The following CISD1 variants were observed in gnomAD, a reference collection of about 807,000 sequenced individuals.
The protein encoded by CISD1 is CDGSH iron-sulfur domain-containing protein 1.
In CISD1, 8 loss-of-function variants were observed where a neutral mutation model predicts 12.0. The observed-to-expected ratio is 0.67, with a 90% CI of 0.39 to 1.20. CISD1 has a LOEUF of 1.20. Ranked by LOEUF, CISD1 falls within the 50% of genes most tolerant of loss-of-function variation. The pLI, the probability that CISD1 is intolerant of heterozygous loss-of-function variation, is 0.01. For missense variants in CISD1, 107 were observed against 132.7 expected (o/e 0.81, Z 0.95); for synonymous variants, 38 against 42.2 (o/e 0.90, Z 0.39).
intron 2 of CISD1, among the ~76,000 whole-genome samples, chr10:58,287,131 G>A (rs1839437350): frequency 6.6e-6 from 1 of 152,216 alleles, no homozygotes; most frequent in South Asian, 2.1e-4. Flanking sequence ...ATGTTGGCCA[G>A]GCTGGTCTTG....
intron 1 of CISD1, among the ~76,000 whole-genome samples, chr10:58,270,362 T>C (rs183368604): frequency 3.3e-5 from 5 of 152,354 alleles, no homozygotes; most frequent in African/African-American, 1.2e-4. Flanking sequence ...GCAAAAATTA[T>C]ATTAAAGGAT....
intron 2 of CISD1, among the ~76,000 whole-genome samples, chr10:58,281,192 G>A (rs911407451): frequency 7.9e-5 from 12 of 152,204 alleles, no homozygotes; most frequent in African/African-American, 2.7e-4. Context: ...CAAACTAGTG[G>A]TGTAAATGTT....
intron 2 of CISD1, 152 bp from the exon 3 acceptor site, chr10:58,287,409 C>A: frequency 2.1e-6 from 1 of 484,798 alleles, no homozygotes; most frequent in Non-Finnish European, 3.7e-6. Flanking sequence ...TACTAAGTAG[C>A]ATATGTAGTT....
At chr10:58,286,009 T>A (rs1839424458) in intron 2 of CISD1, among the ~76,000 whole-genome samples, 1 of 151,818 alleles carries the variant, frequency 6.6e-6, no homozygotes, top group Non-Finnish European at 1.5e-5. Flanking sequence ...ATCGAGACCA[T>A]CCTGGCTAAC....
chr10:58,283,988 A>G (rs749020901), intron 2 of CISD1, among the ~76,000 whole-genome samples: 5 of 152,234 alleles, frequency 3.3e-5, no homozygotes, highest in Non-Finnish European at 7.3e-5. Context: ...CAATTTAACA[A>G]ATTTCAAAAT....
intron 1 of CISD1, chr10:58,273,393 C>T (rs1200666316): frequency 1.3e-5 from 2 of 152,094 alleles, no homozygotes; most frequent in South Asian, 2.1e-4. Flanking sequence ...AGCTCCCCTC[C>T]CCCTCTCCTC....
chr10:58,269,957 A>G (rs1278601795), intron 1 of CISD1, among the ~76,000 whole-genome samples: 9 of 152,218 alleles, frequency 5.9e-5, no homozygotes, highest in Admixed American at 5.9e-4. Flanking sequence ...TATTTCGCAG[A>G]AAGTCCCGTT....
Position 58,275,866 on chromosome 10 carries a change from T to G in CISD1, c.32-1251T>G, listed in dbSNP as rs376216290. Among the ~76,000 whole-genome samples, 35 of 152,326 alleles carry G rather than the reference T, an allele frequency of 2.3e-4. No individual in the cohort carries two copies. The East Asian group carries it at 4.0e-3, about 18-fold the overall frequency. On this transcript the variant is annotated intron_variant, in intron 1 of 2. Coordinates refer to ENST00000333926, the MANE Select transcript of CISD1 (RefSeq NM_018464.5). ...ATATTACAGTTTTAGAAGATTAAGC[T>G]CCAGTTTTATGTAAGGTACTATTAG...
chr10:58,274,753 C>A (rs776089685), intron 1 of CISD1, among the ~76,000 whole-genome samples: 1 of 151,822 alleles, frequency 6.6e-6, no homozygotes, highest in Non-Finnish European at 1.5e-5. Flanking sequence ...GGTGTTACCC[C>A]TTTTCCATGT....
chr10:58,278,393 G>T (rs1374342977), intron 2 of CISD1, among the ~76,000 whole-genome samples: 1 of 152,036 alleles, frequency 6.6e-6, no homozygotes, highest in Non-Finnish European at 1.5e-5. Context: ...CAGGCATGGT[G>T]GCATGCACCT....
chr10:58,276,083 G>A (rs1309712111), intron 1 of CISD1: 1 of 152,202 alleles, frequency 6.6e-6, no homozygotes, highest in Non-Finnish European at 1.5e-5. Context: ...AGTCCAGTGT[G>A]TTTATCCTGA....
intron 2 of CISD1, 63 bp from the exon 3 acceptor site, chr10:58,287,498 C>T: frequency 8.4e-7 from 1 of 1,194,416 alleles, no homozygotes; most frequent in Middle Eastern, 1.9e-4. Flanking sequence ...TCACCTTCCA[C>T]TCTGCCGAGC....
intron 1 of CISD1, among the ~76,000 whole-genome samples, chr10:58,274,440 CTTTTTT>C (rs34405014): frequency 5.1e-5 from 4 of 79,136 alleles, no homozygotes; most frequent in Non-Finnish European, 6.8e-5. Flanking sequence ...AAAATAACAA[CTTTTTT>C]TTTTTTTTTT....
chr10:58,287,419 TTACATA>T, intron 2 of CISD1, 136 bp from the exon 3 acceptor site: 1 of 503,168 alleles, frequency 2.0e-6, no homozygotes, highest in South Asian at 3.9e-5. Context: ...CATATGTAGT[TTACATA>T]TGCTGTTTAA....
intron 1 of CISD1, among the ~76,000 whole-genome samples, chr10:58,271,826 G>C (rs980014155): frequency 1.3e-5 from 2 of 152,208 alleles, no homozygotes; most frequent in African/African-American, 4.8e-5. Flanking sequence ...TGAATGATTG[G>C]AACTGAAATA....
At chr10:58,285,194 C>T (rs1839415293) in intron 2 of CISD1, among the ~76,000 whole-genome samples, 1 of 152,182 alleles carries the variant, frequency 6.6e-6, no homozygotes, top group Admixed American at 6.5e-5. Flanking sequence ...ACACTGCCCT[C>T]TACGACAGGA....
rs147742322 is a variant in CISD1 at position 58,278,368 on chromosome 10, GA to G, written c.237+1056del. On this transcript the variant is annotated intron_variant, in intron 2 of 2. Coordinates refer to ENST00000333926, the MANE Select transcript of CISD1 (RefSeq NM_018464.5). ...GGGCAACATAGTGAGACCATCTGTT[GA>G]AAAAAAAAATAGCCAGGCATGGTGG... 1.1e-3 allele frequency among the ~76,000 whole-genome samples: 170 copies of G among 148,566 alleles called. 1 individual carries two copies. Among genetic ancestry groups the G allele is most frequent in the African/African-American group, 4.0e-3 (161 of 40,594 alleles).
At chr10:58,286,098 A>G (rs1008936059) in intron 2 of CISD1, among the ~76,000 whole-genome samples, 7 of 151,648 alleles carry the variant, frequency 4.6e-5, no homozygotes, top group Admixed American at 2.0e-4. Context: ...CCAGCTACTC[A>G]GGAGTCTGAG....
At chr10:58,272,726 G>A (rs1012885544) in intron 1 of CISD1, among the ~76,000 whole-genome samples, 8 of 152,148 alleles carry the variant, frequency 5.3e-5, no homozygotes, top group Non-Finnish European at 4.4e-5. Context: ...AGACCAGCTT[G>A]GACAACATGG....
Sources: gnomAD v4.1 joint callset for allele counts (sites outside exome capture counted in the v4.1 genomes callset) on GRCh38, gnomAD v4.1.1 for gene constraint, MANE v1.5 for transcripts, NCBI Gene and HGNC (gene_info 2026-07-23, HGNC 2026-07-21) for gene names.